The following PLIN4 variants were observed in gnomAD, a reference collection of about 807,000 sequenced individuals.
The protein encoded by PLIN4 is perilipin 4.
A neutral mutation model predicts 52.4 loss-of-function variants in PLIN4; 57 were observed. That is an observed-to-expected ratio of 1.09 (90% CI 0.88 to 1.36). The LOEUF (loss-of-function observed/expected upper bound fraction) is 1.36, where lower values mean the gene tolerates loss of function less well. PLIN4 is among the 40% of genes most tolerant of loss of function. The probability of loss-of-function intolerance (pLI) is 0.00; values close to 1 mark genes in which losing one functional copy is unlikely to be tolerated. For synonymous variants in PLIN4, 826 were observed against 785.4 expected (o/e 1.05, Z -0.86); for missense variants, 1,757 against 1,770.3 (o/e 0.99, Z 0.13).
chr19:4,504,484 A>C lies in PLIN4; in HGVS notation c.4091T>G (p.Phe1364Cys), dbSNP rs530578349. ...CTACTGCCCGCCAGCGGGCAAGGCGAAGGGCCCTACCAGCCAGCTGAGCGG... is the reference window on the plus strand; with the variant it reads ...CTACTGCCCGCCAGCGGGCAAGGCGCAGGGCCCTACCAGCCAGCTGAGCGG... ...NPPLSWLVGP[F>C]ALPAGGQ is the part of the protein sequence containing the mutation. The change falls in exon 8 of 8, where the codon TTC becomes TGC. Residue 1364 changes from phenylalanine to cysteine, a missense_variant. Physicochemically the swap from Phe to Cys is radical, Grantham distance 205. Around this residue, in one of 7 missense-constraint regions of PLIN4, gnomAD observed 712 missense variants for 637.1 expected, o/e 1.12. Coordinates refer to ENST00000301286, the MANE Select transcript of PLIN4 (RefSeq NM_001367868.2). 6.3e-7 allele frequency: 1 copy of C among 1,591,786 alleles called. No individual in the cohort carries two copies. Among genetic ancestry groups the C allele is most frequent in the Non-Finnish European group, 8.6e-7 (1 of 1,167,414 alleles).
intron 5 of PLIN4, 104 bp downstream of exon 5, chr19:4,510,342 G>A: frequency 8.2e-7 from 1 of 1,213,218 alleles, no homozygotes. Context: ...CTCCAGCCTG[G>A]GCAACAGAGC....
rs1184525307 is a variant in PLIN4, at chr19:4,502,950, GCAGT to G, written c.*1505_*1508del. The G allele has an allele frequency of 1.3e-5, 2 of 152,336 alleles. No individual in the cohort carries two copies. The highest frequency in any genetic ancestry group is 3.8e-4 in the East Asian group (2 of 5,204). The allele number at this position is 152,336 out of a possible 1,614,324, so 9.4% of individuals were successfully genotyped here. ...ATGCTTGGTTGGCTGGACGTGAGCT[GCAGT>G]CACTGTGCCTGATTTCTGCAAATGG... On this transcript the variant is annotated 3_prime_UTR_variant, in exon 8 of 8. Transcript: ENST00000301286.
chr19:4,513,758 C>A, intron 4 of PLIN4, 57 bp from the exon 5 acceptor site: 1 of 1,506,200 alleles, frequency 6.6e-7, no homozygotes, highest in East Asian at 2.3e-5. Context: ...TACTCCACCC[C>A]GATGTCTGCC....
chr19:4,506,704 C>T (rs1054339264), intron 6 of PLIN4, among the ~76,000 whole-genome samples: 1 of 152,252 alleles, frequency 6.6e-6, no homozygotes, highest in African/African-American at 2.4e-5. Context: ...TGAAGAGTGC[C>T]TGGGCTGAGT....
At chr19:4,517,322 TG>T (rs10706962) in intron 3 of PLIN4, among the ~76,000 whole-genome samples, 145,165 of 152,082 alleles carry the variant, frequency 0.95, 69,314 homozygotes, top group East Asian at 0.97. Flanking sequence ...AGGGACTGAG[TG>T]GGGGGGCATT....
At chr19:4,507,329 T>C (rs927820551) in intron 6 of PLIN4, among the ~76,000 whole-genome samples, 33 of 152,204 alleles carry the variant, frequency 2.2e-4, no homozygotes, top group African/African-American at 7.7e-4. Flanking sequence ...CCCAGCACTT[T>C]GGGAGGCCAA....
chr19:4,509,897 G>C (rs887037771), intron 5 of PLIN4, among the ~76,000 whole-genome samples: 7 of 151,622 alleles, frequency 4.6e-5, no homozygotes, highest in Non-Finnish European at 1.0e-4. Flanking sequence ...GTGGGTGACA[G>C]AGCAAGACCT....
At chr19:4,509,666 A>G (rs1447038840) in intron 5 of PLIN4, among the ~76,000 whole-genome samples, 2 of 151,100 alleles carry the variant, frequency 1.3e-5, no homozygotes, top group Non-Finnish European at 1.5e-5. Context: ...GAAGCTGGGT[A>G]TGGTGGCTCA....
In PLIN4 at chr19:4,512,411, C is replaced by T. The variant is rs530196309; in HGVS notation, c.1549G>A (p.Val517Ile). Residue 517 changes from valine (V) to isoleucine (I), a missense_variant, in exon 5 of 8, where the codon GTC (valine) becomes ATC (isoleucine). Physicochemically the swap from Val to Ile is conservative, Grantham distance 29. Around this residue, in one of 7 missense-constraint regions of PLIN4, gnomAD observed 439 missense variants for 406.4 expected, o/e 1.08. Coordinates refer to ENST00000301286, the MANE Select transcript of PLIN4 (RefSeq NM_001367868.2). ...TTGGTGGTGTCTACGCCGGTCTGGA[C>T]GGTCCCTTTGGCCACGTTCACAGCC... ...TGAVNVAKGT[V>I]QTGVDTTKTV... The T allele has an allele frequency of 2.8e-4, 441 of 1,598,346 alleles. 4 individuals carry two copies. The East Asian group carries it at 7.9e-3, about 29-fold the overall frequency.
At chr19:4,515,559 G>T (rs115738835) in intron 4 of PLIN4, among the ~76,000 whole-genome samples, 1 of 152,102 alleles carries the variant, frequency 6.6e-6, no homozygotes, top group African/African-American at 2.4e-5. Flanking sequence ...GTGAACCACC[G>T]TGCCCGGCCA....
chr19:4,516,584 C>A, intron 4 of PLIN4, 33 bp downstream of exon 4: 2 of 1,585,926 alleles, frequency 1.3e-6, no homozygotes, highest in East Asian at 2.3e-5. Flanking sequence ...AGGGCTCCTG[C>A]CACATCAGAC....
Position 4,517,592 on chromosome 19 carries a change from C to CCT in PLIN4, c.156_157dup (p.Gly53GlufsTer129), listed in dbSNP as rs1389380755. Reference sequence around the variant, plus strand: ...TTGGGCAGCCTCGGCAGCAGGCGCTCCTGTGGGGTCAGCGGCCGGCCGGGC... The same window carrying CCT: ...TTGGGCAGCCTCGGCAGCAGGCGCTCCTCTGTGGGGTCAGCGGCCGGCCGGGC... On this transcript the variant is annotated frameshift_variant, in exon 3 of 8. Coordinates refer to ENST00000301286, the MANE Select transcript of PLIN4 (RefSeq NM_001367868.2). LOFTEE classifies it high-confidence loss of function. The CCT allele has an allele frequency of 7.4e-6, 12 of 1,611,162 alleles. No individual in the cohort carries two copies. The highest frequency in any genetic ancestry group is 8.5e-6 in the Non-Finnish European group (10 of 1,179,366).
chr19:4,502,381 C>G lies in PLIN4; in HGVS notation c.*2078G>C, dbSNP rs1466579608. On this transcript the variant is annotated 3_prime_UTR_variant, in exon 8 of 8. Coordinates refer to ENST00000301286, the MANE Select transcript of PLIN4 (RefSeq NM_001367868.2). ...CAGCCCAACCCTGAAAGGCCAGTGG[C>G]AGGAGAGCTGGGCGGGAGCAAGCTC... 1 of 355,038 alleles carries G rather than the reference C, an allele frequency of 2.8e-6. No individual in the cohort carries two copies. Among genetic ancestry groups the G allele is most frequent in the East Asian group, 8.5e-5 (1 of 11,738 alleles). 22.0% of individuals were successfully genotyped at this position (355,038 alleles called of 1,614,324 possible).
chr19:4,516,818 C>T (rs1976595545), intron 3 of PLIN4, 140 bp from the exon 4 acceptor site: 2 of 896,832 alleles, frequency 2.2e-6, no homozygotes, highest in Non-Finnish European at 1.6e-6. Context: ...CAGGAGGTGA[C>T]ATCCACGGCT....
In PLIN4 at chr19:4,504,396, C is replaced by G; in HGVS notation, c.*63G>C. ...CAGGTTTGGGGGCGGGGAGAAAGTT[C>G]TGAGGCAGCTCCTCCCTGGACAGAG... On this transcript the variant is annotated 3_prime_UTR_variant, in exon 8 of 8. Transcript: ENST00000301286. 1 of 1,405,714 alleles carries G rather than the reference C, an allele frequency of 7.1e-7. No homozygotes were observed. Among genetic ancestry groups the G allele is most frequent in the Non-Finnish European group, 9.4e-7 (1 of 1,068,700 alleles). 87.1% of individuals were successfully genotyped at this position (1,405,714 alleles called of 1,614,324 possible). A position where few individuals can be genotyped will look rare whatever the true frequency, so the allele number is the denominator to read the frequency against.
Position 4,504,923 on chromosome 19 carries a change from C to A in PLIN4, c.3727G>T (p.Glu1243Ter). 1 of 1,606,106 alleles carries A rather than the reference C, an allele frequency of 6.2e-7. No homozygotes were observed. The highest frequency in any genetic ancestry group is 1.1e-5 in the South Asian group (1 of 89,490). ...CCCTGGTCCAGACGTGGCTGCCCTT[C>A]TGGAGCCTGCTGGGCCTTTTCAATC... Reference protein sequence around the residue: ...RLIEKAQQAPEGQPRLDQGSG... With the variant: ...RLIEKAQQAP Residue 1243 changes from glutamate to a stop codon, truncating the protein, a stop_gained, in exon 7 of 8, where the codon GAA (glutamate) becomes TAA (stop). Transcript: ENST00000301286. LOFTEE classifies it high-confidence loss of function.
chr19:4,514,802 C>G (rs1976542491), intron 4 of PLIN4, among the ~76,000 whole-genome samples: 1 of 151,072 alleles, frequency 6.6e-6, no homozygotes, highest in Non-Finnish European at 1.5e-5. Context: ...AATCCCAGCA[C>G]TATGGGTGGC....
intron 5 of PLIN4, 78 bp from the exon 6 acceptor site, chr19:4,509,033 G>GGC (rs1976193211): frequency 7.8e-6 from 11 of 1,405,084 alleles, no homozygotes; most frequent in Non-Finnish European, 1.0e-5. Context: ...GTGAGGGCCG[G>GGC]GCGCGGCGGT....
Position 4,511,077 on chromosome 19 carries a change from C to A in PLIN4, c.2883G>T (p.Lys961Asn), listed in dbSNP as rs1976296880. 1.2e-6 allele frequency: 2 copies of A among 1,613,580 alleles called. No individual in the cohort carries two copies. The highest frequency in any genetic ancestry group is 1.7e-6 in the Non-Finnish European group (2 of 1,179,854). The stretch of plus-strand genomic sequence containing the variant: ...CCGTGACTCCAGTAGTCACTGCATC[C>A]TTAGCGCCACTCAGCACCGTCTTGG... Reference protein sequence around the residue: ...DTAKTVLSGAKDAVTTGVTGA... With the variant: ...DTAKTVLSGANDAVTTGVTGA... Residue 961 changes from lysine to asparagine, a missense_variant, in exon 5 of 8, where the codon AAG becomes AAT. By Grantham distance (94) the Lys-to-Asn change is moderately conservative (BLOSUM62 0). Around this residue, in one of 7 missense-constraint regions of PLIN4, gnomAD observed 712 missense variants for 637.1 expected, o/e 1.12. Transcript: ENST00000301286.
Sources: allele counts gnomAD v4.1 joint callset (sites outside exome capture counted in the v4.1 genomes callset), GRCh38; gene constraint gnomAD v4.1.1; regional missense constraint gnomAD v4.1.1; transcripts MANE v1.5; gene names NCBI Gene and HGNC (gene_info 2026-07-23, HGNC 2026-07-21).